STXBP5L: variants seen among roughly 807,000 people sequenced by gnomAD.
The protein encoded by STXBP5L is syntaxin-binding protein 5-like.
STXBP5L carries 65 observed loss-of-function variants against 144.5 expected under a neutral mutation model. The observed-to-expected ratio is 0.45, with a 90% CI of 0.37 to 0.55. The LOEUF is 0.55. Among genes scored for constraint, STXBP5L ranks in the 20% least tolerant of loss-of-function variants. STXBP5L has a pLI of 0.00. For missense variants in STXBP5L, 1,298 were observed against 1,405.5 expected (o/e 0.92, Z 1.22); for synonymous variants, 505 against 469.6 (o/e 1.08, Z -0.97).
At chr3:121,099,967 C>A (rs1365765758) in intron 5 of STXBP5L, among the ~76,000 whole-genome samples, 1 of 152,090 alleles carries the variant, frequency 6.6e-6, no homozygotes, top group African/African-American at 2.4e-5. Context: ...TCAGATAAAA[C>A]AGACTTTAAA....
chr3:121,122,783 T>A (rs1290210035), intron 7 of STXBP5L, among the ~76,000 whole-genome samples: 1 of 151,408 alleles, frequency 6.6e-6, no homozygotes, highest in Non-Finnish European at 1.5e-5. Context: ...TTAGTTACTG[T>A]GGAGTAGGGA....
chr3:121,141,979 A>G (rs2045527972), intron 7 of STXBP5L, among the ~76,000 whole-genome samples: 1 of 152,070 alleles, frequency 6.6e-6, no homozygotes, highest in East Asian at 1.9e-4. Context: ...TTAGAAAAAT[A>G]AAAAATAAAA....
intron 3 of STXBP5L, among the ~76,000 whole-genome samples, chr3:120,980,685 A>G (rs998783294): frequency 6.6e-6 from 1 of 152,116 alleles, no homozygotes; most frequent in Non-Finnish European, 1.5e-5. Flanking sequence ...CAAGTTAGGC[A>G]TTTAGTTCAT....
intron 5 of STXBP5L, among the ~76,000 whole-genome samples, chr3:121,106,658 G>C (rs1350790883): frequency 6.6e-6 from 1 of 152,102 alleles, no homozygotes; most frequent in African/African-American, 2.4e-5. Flanking sequence ...GGGCATTTGG[G>C]TTGATTCCAT....
At chr3:121,089,171 T>C (rs998459145) in intron 5 of STXBP5L, among the ~76,000 whole-genome samples, 17 of 145,064 alleles carry the variant, frequency 1.2e-4, no homozygotes, top group Non-Finnish European at 1.7e-4. Context: ...AGTATATACA[T>C]AGTACATTTA....
At chr3:120,996,056 G>A (rs1007488654) in intron 3 of STXBP5L, among the ~76,000 whole-genome samples, 1 of 151,986 alleles carries the variant, frequency 6.6e-6, no homozygotes, top group Non-Finnish European at 1.5e-5. Flanking sequence ...TTTTCTTTCA[G>A]AACCTGAAAA....
intron 3 of STXBP5L, among the ~76,000 whole-genome samples, chr3:120,985,395 C>T (rs981757087): frequency 1.3e-5 from 2 of 151,924 alleles, no homozygotes; most frequent in Non-Finnish European, 2.9e-5. Context: ...TTAACATATC[C>T]AGCACCTGAA....
At chr3:121,378,343 T>A (rs546049223) in intron 20 of STXBP5L, among the ~76,000 whole-genome samples, 51 of 152,240 alleles carry the variant, frequency 3.3e-4, no homozygotes, top group East Asian at 7.7e-4. Flanking sequence ...AAATTTTTTT[T>A]AAAATGCTTC....
At chr3:121,104,525 G>A (rs891690869) in intron 5 of STXBP5L, among the ~76,000 whole-genome samples, 2 of 152,132 alleles carry the variant, frequency 1.3e-5, no homozygotes, top group Non-Finnish European at 2.9e-5. Flanking sequence ...TAACAAAACA[G>A]CATTGTACTG....
intron 9 of STXBP5L, among the ~76,000 whole-genome samples, chr3:121,159,180 TAA>T (rs970985183): frequency 3.9e-5 from 6 of 151,916 alleles, no homozygotes; most frequent in East Asian, 1.9e-4. Flanking sequence ...ATATATCCTA[TAA>T]GTCTTTAAAT....
At chr3:121,344,059 C>CT (rs2044845797) in intron 20 of STXBP5L, among the ~76,000 whole-genome samples, 1 of 151,814 alleles carries the variant, frequency 6.6e-6, no homozygotes, top group Non-Finnish European at 1.5e-5. Flanking sequence ...AGATATAGAT[C>CT]AATGGAACAC....
intron 2 of STXBP5L, among the ~76,000 whole-genome samples, chr3:120,919,430 T>A (rs1709257817): frequency 1.3e-5 from 2 of 152,142 alleles, no homozygotes; most frequent in Non-Finnish European, 1.5e-5. Context: ...AAAATACTGA[T>A]GAGGAACACA....
chr3:121,255,858 G>A (rs962383224), intron 16 of STXBP5L, among the ~76,000 whole-genome samples: 1 of 152,034 alleles, frequency 6.6e-6, no homozygotes, highest in Non-Finnish European at 1.5e-5. Context: ...ATAAACAACT[G>A]TCCTTCTCTA....
chr3:121,122,100 T>G (rs983877517), intron 7 of STXBP5L, among the ~76,000 whole-genome samples: 1 of 151,178 alleles, frequency 6.6e-6, no homozygotes, highest in Non-Finnish European at 1.5e-5. Context: ...TTCATTAACA[T>G]GTACTAATAT....
chr3:121,328,094 A>C (rs1366509826), intron 20 of STXBP5L, among the ~76,000 whole-genome samples: 3 of 152,236 alleles, frequency 2.0e-5, no homozygotes, highest in Non-Finnish European at 4.4e-5. Context: ...ATTATATACA[A>C]TTGAAGGCTT....
At chr3:121,010,848 C>T (rs1358071683) in intron 3 of STXBP5L, among the ~76,000 whole-genome samples, 6 of 151,522 alleles carry the variant, frequency 4.0e-5, no homozygotes, top group Non-Finnish European at 7.4e-5. Flanking sequence ...GTTATCTTTA[C>T]TTTGAGTAGG....
intron 3 of STXBP5L, among the ~76,000 whole-genome samples, chr3:120,968,696 A>G (rs755097347): frequency 6.6e-6 from 1 of 152,134 alleles, no homozygotes; most frequent in Non-Finnish European, 1.5e-5. Context: ...TATACCCAAT[A>G]TATAGTCTTT....
At chr3:120,926,866 A>G (rs924625167) in intron 2 of STXBP5L, among the ~76,000 whole-genome samples, 1 of 151,854 alleles carries the variant, frequency 6.6e-6, no homozygotes, top group African/African-American at 2.4e-5. Flanking sequence ...CTCAGTTCCA[A>G]AATTTCTGTT....
At chr3:121,354,508 CTTTTTT>C (rs145703750) in intron 20 of STXBP5L, among the ~76,000 whole-genome samples, 7 of 67,544 alleles carry the variant, frequency 1.0e-4, no homozygotes, top group African/African-American at 4.1e-4. Flanking sequence ...TGCAACCCTG[CTTTTTT>C]TTTTTTTTTT....
Sources: gnomAD v4.1 joint callset for allele counts (sites outside exome capture counted in the v4.1 genomes callset) on GRCh38, gnomAD v4.1.1 for gene constraint, MANE v1.5 for transcripts, NCBI Gene and HGNC (gene_info 2026-07-23, HGNC 2026-07-21) for gene names.